Variants in MARCHF6 observed in about 807,000 individuals in gnomAD.
MARCHF6 encodes E3 ubiquitin-protein ligase MARCHF6.
In MARCHF6, 31 loss-of-function variants were observed where a neutral mutation model predicts 133.7. That is an observed-to-expected ratio of 0.23 (90% confidence interval 0.17 to 0.31). The LOEUF is 0.31. Among genes scored for constraint, MARCHF6 ranks in the 10% least tolerant of loss-of-function variants. The pLI is 1.00. For synonymous variants in MARCHF6, 395 were observed against 402.5 expected (o/e 0.98, Z 0.22); for missense variants, 723 against 1,121.6 (o/e 0.64, Z 5.08).
intron 22 of MARCHF6, among the ~76,000 whole-genome samples, chr5:10,417,697 A>G (rs1190340445): frequency 6.7e-6 from 1 of 148,326 alleles, no homozygotes; most frequent in Non-Finnish European, 1.5e-5. Flanking sequence ...AGCCTGGGCA[A>G]CAGAGTAAGA....
intron 1 of MARCHF6, among the ~76,000 whole-genome samples, chr5:10,363,384 G>A (rs1357223299): frequency 6.6e-6 from 1 of 152,160 alleles, no homozygotes; most frequent in East Asian, 1.9e-4. Context: ...AAAAATACAT[G>A]TACATGGCTA....
At chr5:10,412,578 G>A (rs1195271067) in intron 19 of MARCHF6, among the ~76,000 whole-genome samples, 1 of 152,014 alleles carries the variant, frequency 6.6e-6, no homozygotes, top group Non-Finnish European at 1.5e-5. Flanking sequence ...AGAGAGTTGT[G>A]TTGTTTTGTT....
intron 15 of MARCHF6, among the ~76,000 whole-genome samples, chr5:10,404,639 T>G (rs1308768305): frequency 2.0e-5 from 3 of 152,160 alleles, no homozygotes; most frequent in Non-Finnish European, 2.9e-5. Context: ...GTGCAGGGTG[T>G]GGAGGACCAG....
At chr5:10,356,499 G>C (rs964702545) in intron 1 of MARCHF6, among the ~76,000 whole-genome samples, 1 of 151,510 alleles carries the variant, frequency 6.6e-6, no homozygotes, top group African/African-American at 2.4e-5. Context: ...AGGTTCAAGC[G>C]ATTCTCCTGT....
At chr5:10,398,779 A>G (rs1738342358) in intron 10 of MARCHF6, among the ~76,000 whole-genome samples, 1 of 152,252 alleles carries the variant, frequency 6.6e-6, no homozygotes, top group African/African-American at 2.4e-5. Context: ...TTATATTGCG[A>G]AAAGAATTTT....
In MARCHF6 at chr5:10,391,427, C is replaced by G. The variant is rs1430826216; in HGVS notation, c.577-115C>G. 7 of 722,622 alleles carry G rather than the reference C, an allele frequency of 9.7e-6. No homozygotes were observed. In the East Asian group the frequency reaches 2.2e-4, roughly 22 times the overall value. The allele number at this position is 722,622 out of a possible 1,614,324, so 44.8% of individuals were successfully genotyped here. On this transcript the variant is annotated intron_variant, in intron 6 of 25. Transcript: ENST00000274140. ...GGATTACAGGCATGAGCCACTACAC[C>G]TGGCCTAGGTTTTTTTTTTTTTTTT...
chr5:10,424,411 T>C (rs1329528448), intron 23 of MARCHF6, among the ~76,000 whole-genome samples: 2 of 152,182 alleles, frequency 1.3e-5, no homozygotes, highest in East Asian at 3.8e-4. Context: ...TTTGTCTTTA[T>C]ACATTTATAT....
rs191389391 is a variant in MARCHF6 at position 10,382,874 on chromosome 5, T to G, written c.334+931T>G. Among the ~76,000 whole-genome samples, 158 of 152,278 alleles carry G rather than the reference T, an allele frequency of 1.0e-3. 1 individual carries two copies. The highest frequency in any genetic ancestry group is 3.7e-3 in the African/African-American group (155 of 41,544). On this transcript the variant is annotated intron_variant, in intron 4 of 25. Coordinates refer to ENST00000274140, the MANE Select transcript of MARCHF6 (RefSeq NM_005885.4). ...AAAATACTCATACATGTAATGGTCA[T>G]AAATAATTGGGAGGCTTATCTTTCA...
At chr5:10,398,204 G>A (rs1211225802) in intron 10 of MARCHF6, among the ~76,000 whole-genome samples, 1 of 152,186 alleles carries the variant, frequency 6.6e-6, no homozygotes, top group Non-Finnish European at 1.5e-5. Context: ...GATGAGTAGA[G>A]ATTTCCCAAG....
intron 24 of MARCHF6, 78 bp downstream of exon 24, chr5:10,426,600 G>A: frequency 6.9e-7 from 1 of 1,439,442 alleles, no homozygotes; most frequent in Non-Finnish European, 9.6e-7. Context: ...TAGTAAAAAG[G>A]ATGTCTCACT....
intron 21 of MARCHF6, 69 bp downstream of exon 21, chr5:10,415,738 A>ATTT: frequency 8.7e-7 from 1 of 1,152,792 alleles, no homozygotes; most frequent in Non-Finnish European, 1.1e-6. Context: ...GTCATCTTAA[A>ATTT]TTTTTTTTTT....
intron 21 of MARCHF6, 84 bp downstream of exon 21, chr5:10,415,753 A>G (rs1219912662): frequency 8.7e-7 from 1 of 1,144,678 alleles, no homozygotes; most frequent in Non-Finnish European, 1.2e-6. Context: ...TTTTTTTGGC[A>G]CATTTATTTC....
chr5:10,356,246 G>C (rs1408522488), intron 1 of MARCHF6, among the ~76,000 whole-genome samples: 1 of 151,000 alleles, frequency 6.6e-6, no homozygotes, highest in Non-Finnish European at 1.5e-5. Flanking sequence ...TTTTTGGTAG[G>C]AGATATTCAA....
chr5:10,421,776 G>C (rs1467046990), intron 22 of MARCHF6, among the ~76,000 whole-genome samples: 2 of 152,226 alleles, frequency 1.3e-5, no homozygotes, highest in Non-Finnish European at 2.9e-5. Flanking sequence ...AAGCAGGGAG[G>C]CTTTCTTCAT....
At chr5:10,364,543 C>T (rs1323268060) in intron 1 of MARCHF6, among the ~76,000 whole-genome samples, 1 of 152,166 alleles carries the variant, frequency 6.6e-6, no homozygotes, top group Admixed American at 6.6e-5. Flanking sequence ...AAAAGCTTAG[C>T]ATCCCTATCA....
At chr5:10,357,469 G>A (rs940666929) in intron 1 of MARCHF6, among the ~76,000 whole-genome samples, 6 of 151,632 alleles carry the variant, frequency 4.0e-5, no homozygotes, top group African/African-American at 1.2e-4. Flanking sequence ...TATGCTTTAC[G>A]GAACATATTC....
intron 22 of MARCHF6, 81 bp downstream of exon 22, chr5:10,417,485 G>A: frequency 9.0e-6 from 14 of 1,558,882 alleles, no homozygotes; most frequent in Non-Finnish European, 1.1e-5. Context: ...TGGGGCTTAC[G>A]CCTATAATCT....
intron 15 of MARCHF6, among the ~76,000 whole-genome samples, chr5:10,404,541 G>A (rs1738765774): frequency 6.6e-6 from 1 of 152,154 alleles, no homozygotes; most frequent in Non-Finnish European, 1.5e-5. Flanking sequence ...AGAAACAAAG[G>A]CACAATTCCT....
chr5:10,431,278 C>T (rs1740344679), intron 25 of MARCHF6, among the ~76,000 whole-genome samples: 1 of 152,146 alleles, frequency 6.6e-6, no homozygotes, highest in African/African-American at 2.4e-5. Flanking sequence ...TCTTAGCACT[C>T]AACTTTTTGG....
Sources: gnomAD v4.1 joint callset for allele counts (sites outside exome capture counted in the v4.1 genomes callset) on GRCh38, gnomAD v4.1.1 for gene constraint, MANE v1.5 for transcripts, NCBI Gene and HGNC (gene_info 2026-07-23, HGNC 2026-07-21) for gene names.